Variants in PLCL1 observed in about 807,000 individuals in gnomAD.
The protein encoded by PLCL1 is phospholipase C like 1 (inactive), also known as inactive phospholipase C-like protein 1.
PLCL1 carries 41 observed loss-of-function variants against 84.4 expected under a neutral mutation model. The observed-to-expected ratio is 0.49, with a 90% CI of 0.38 to 0.63. The LOEUF (loss-of-function observed/expected upper bound fraction) is 0.63. Among genes scored for constraint, PLCL1 ranks in the 30% least tolerant of loss-of-function variants. The pLI, the probability that PLCL1 is intolerant of heterozygous loss-of-function variation, is 0.00. For synonymous variants in PLCL1, 490 were observed against 488.3 expected, an observed-to-expected ratio of 1.00 and a Z score of -0.05; for missense variants, 1,206 against 1,367.8, an observed-to-expected ratio of 0.88 and a Z score of 1.87.
intron 1 of PLCL1, among the ~76,000 whole-genome samples, chr2:197,853,819 A>G (rs1223841464): frequency 1.3e-5 from 2 of 152,114 alleles, no homozygotes; most frequent in Non-Finnish European, 1.5e-5. Flanking sequence ...TGCCACACTG[A>G]ATAGGGATTA....
intron 1 of PLCL1, among the ~76,000 whole-genome samples, chr2:197,972,987 A>G (rs911779273): frequency 2.6e-5 from 4 of 152,180 alleles, no homozygotes; most frequent in African/African-American, 9.7e-5. Flanking sequence ...TATCAATGAG[A>G]TGGCTGTGCA....
chr2:197,908,945 T>A (rs955622996), intron 1 of PLCL1, among the ~76,000 whole-genome samples: 2 of 152,226 alleles, frequency 1.3e-5, no homozygotes, highest in Non-Finnish European at 2.9e-5. Context: ...TGTTTCAAGA[T>A]TGATGATAAT....
intron 1 of PLCL1, among the ~76,000 whole-genome samples, chr2:197,950,946 G>A (rs1236747043): frequency 3.3e-5 from 5 of 152,082 alleles, no homozygotes; most frequent in Admixed American, 2.0e-4. Flanking sequence ...TCTCGCCTGA[G>A]GGCTGCTTTA....
At chr2:197,980,389 T>C (rs1325208336) in intron 1 of PLCL1, among the ~76,000 whole-genome samples, 1 of 152,180 alleles carries the variant, frequency 6.6e-6, no homozygotes, top group Non-Finnish European at 1.5e-5. Flanking sequence ...AATTTCTGAA[T>C]TTACCAGGTG....
intron 5 of PLCL1, among the ~76,000 whole-genome samples, chr2:198,144,234 C>T (rs1446346466): frequency 1.3e-5 from 2 of 152,130 alleles, no homozygotes; most frequent in East Asian, 3.9e-4. Context: ...GCCAGTTTTG[C>T]TACTGCTATG....
Position 198,084,038 on chromosome 2 carries a change from C to T in PLCL1, c.521C>T (p.Thr174Ile). The change falls in exon 2 of 6, where the codon ACA becomes ATA. Residue 174 changes from threonine (T) to isoleucine (I), a missense_variant. Thr to Ile is a moderately conservative substitution (Grantham distance 89, BLOSUM62 -1). Coordinates refer to ENST00000428675, the MANE Select transcript of PLCL1 (RefSeq NM_006226.4). ...ATCAGACTGGGGAAAAACACGGAAA[C>T]ATTTAGAAACAATGGCCTTGCTGAC... ...KEIRLGKNTE[T>I]FRNNGLADQI... is the part of the protein sequence containing the mutation. The T allele has an allele frequency of 1.2e-6, 2 of 1,614,146 alleles. No individual in the cohort carries two copies. Among genetic ancestry groups the T allele is most frequent in the Non-Finnish European group, 1.7e-6 (2 of 1,180,000 alleles).
chr2:198,027,762 ATGTAAAG>A (rs372027802), intron 1 of PLCL1, among the ~76,000 whole-genome samples: 44 of 152,286 alleles, frequency 2.9e-4, no homozygotes, highest in African/African-American at 1.0e-3. Flanking sequence ...TAGTATGGTT[ATGTAAAG>A]TGTAAACATT....
chr2:197,818,455 A>G (rs1269519757), intron 1 of PLCL1, among the ~76,000 whole-genome samples: 1 of 152,116 alleles, frequency 6.6e-6, no homozygotes, highest in African/African-American at 2.4e-5. Context: ...AAGACAGCCT[A>G]TTCCTTCCAC....
At position 198,047,917 on chromosome 2, in the gene PLCL1, A is replaced by T. The variant is rs183922969; in HGVS notation, c.241-35841A>T. Among the ~76,000 whole-genome samples the T allele has an allele frequency of 2.5e-3, 377 of 152,360 alleles. 4 individuals are homozygous for T. Among genetic ancestry groups the T allele is most frequent in the Admixed American group, 0.013 (194 of 15,304 alleles). ...AATCAGAAGTAGGTACGCTCCTTGC[A>T]TAACTCTTCCATGCGAGTGGTGGCA... On this transcript the variant is annotated intron_variant, in intron 1 of 5. Coordinates refer to ENST00000428675, the MANE Select transcript of PLCL1 (RefSeq NM_006226.4).
intron 1 of PLCL1, among the ~76,000 whole-genome samples, chr2:198,031,850 G>A (rs1213644811): frequency 6.6e-6 from 1 of 151,782 alleles, no homozygotes; most frequent in Non-Finnish European, 1.5e-5. Flanking sequence ...TGAAATTTGT[G>A]CCTCTATATA....
intron 1 of PLCL1, among the ~76,000 whole-genome samples, chr2:197,832,332 G>A (rs955079066): frequency 2.6e-5 from 4 of 152,084 alleles, no homozygotes; most frequent in Non-Finnish European, 4.4e-5. Context: ...GATCACCACC[G>A]ATCCCACAGA....
At chr2:198,001,910 T>C (rs980924994) in intron 1 of PLCL1, 4 of 401,998 alleles carry the variant, frequency 1.0e-5, no homozygotes, top group Non-Finnish European at 2.0e-5. Context: ...CTTATAAGAA[T>C]CTAATGACTG....
chr2:198,089,235 ACT>A (rs1692960852), intron 3 of PLCL1, among the ~76,000 whole-genome samples, 174 bp downstream of exon 3: 1 of 151,996 alleles, frequency 6.6e-6, no homozygotes, highest in Admixed American at 6.6e-5. Context: ...TCAGTGGAAA[ACT>A]CTGAGAAAAT....
intron 5 of PLCL1, among the ~76,000 whole-genome samples, chr2:198,142,368 A>C (rs1694409009): frequency 6.6e-6 from 1 of 152,112 alleles, no homozygotes; most frequent in South Asian, 2.1e-4. Flanking sequence ...GTCAGTAGTA[A>C]ATTTATTAGT....
At chr2:198,144,216 G>A (rs1328924101) in intron 5 of PLCL1, among the ~76,000 whole-genome samples, 3 of 152,100 alleles carry the variant, frequency 2.0e-5, no homozygotes, top group African/African-American at 7.2e-5. Flanking sequence ...CTTGCAATTA[G>A]GAAAGTTGCC....
intron 5 of PLCL1, among the ~76,000 whole-genome samples, chr2:198,135,830 C>G (rs182813897): frequency 6.6e-6 from 1 of 152,180 alleles, no homozygotes; most frequent in Non-Finnish European, 1.5e-5. Flanking sequence ...TTTTTACTTT[C>G]TCTGCTGGCT....
At chr2:197,808,695 G>C (rs1690528738) in intron 1 of PLCL1, among the ~76,000 whole-genome samples, 1 of 152,160 alleles carries the variant, frequency 6.6e-6, no homozygotes, top group South Asian at 2.1e-4. Context: ...AATAGCTGTA[G>C]TGCAGTAATA....
chr2:197,990,284 T>C (rs1465188471), intron 1 of PLCL1, among the ~76,000 whole-genome samples: 1 of 152,226 alleles, frequency 6.6e-6, no homozygotes, highest in Non-Finnish European at 1.5e-5. Flanking sequence ...GAGTTTGCAA[T>C]TGCAGGTGCT....
chr2:197,859,228 C>T (rs1388258964), intron 1 of PLCL1, among the ~76,000 whole-genome samples: 2 of 152,162 alleles, frequency 1.3e-5, no homozygotes, highest in Admixed American at 1.3e-4. Context: ...TCTTCTTCCT[C>T]TTCCTACCTT....
Sources: allele counts gnomAD v4.1 joint callset (sites outside exome capture counted in the v4.1 genomes callset), GRCh38; gene constraint gnomAD v4.1.1; transcripts MANE v1.5; gene names NCBI Gene and HGNC (gene_info 2026-07-23, HGNC 2026-07-21).